TNNI3K: variants seen among roughly 807,000 people sequenced by gnomAD.
TNNI3K encodes serine/threonine-protein kinase TNNI3K.
Under a neutral mutation model 114.5 loss-of-function variants are expected in TNNI3K, and 140 were observed. The observed-to-expected ratio is 1.22, with a 90% CI of 1.07 to 1.41. TNNI3K has a LOEUF of 1.41. Among genes scored for constraint, TNNI3K ranks in the 40% most tolerant of loss-of-function variants. The pLI is 0.00. For missense variants in TNNI3K, 1,125 were observed against 1,007.6 expected, an observed-to-expected ratio of 1.12 and a Z score of -1.58; for synonymous variants, 347 against 347.5, an observed-to-expected ratio of 1.00 and a Z score of 0.02.
intron 17 of TNNI3K, among the ~76,000 whole-genome samples, chr1:74,397,110 A>T (rs1168831930): frequency 6.6e-6 from 1 of 152,096 alleles, no homozygotes; most frequent in Non-Finnish European, 1.5e-5. Flanking sequence ...CTGAAATGAC[A>T]CGGGGGAGCC....
chr1:74,425,929 A>T (rs1224664259), intron 17 of TNNI3K, among the ~76,000 whole-genome samples: 1 of 152,044 alleles, frequency 6.6e-6, no homozygotes, highest in East Asian at 1.9e-4. Flanking sequence ...GCTCACAGGG[A>T]TAGACTGTCT....
intron 23 of TNNI3K, among the ~76,000 whole-genome samples, chr1:74,539,760 G>A (rs1040639050): frequency 1.1e-4 from 17 of 151,438 alleles, no homozygotes; most frequent in Middle Eastern, 3.4e-3. Context: ...TATGTAAAGC[G>A]ATATATATAA....
rs578049565 is a variant in TNNI3K at position 74,481,625 on chromosome 1, T to C, written c.2122-7564T>C. 3.3e-5 allele frequency among the ~76,000 whole-genome samples: 5 copies of C among 152,328 alleles called. No individual in the cohort carries two copies. In the South Asian group the frequency reaches 1.0e-3, roughly 32 times the overall value. ...GGCCTCCTGTCTAATATCTGTTCCC[T>C]CCAATGAAGTCCATCATGTGATGAC... On this transcript the variant is annotated intron_variant, in intron 21 of 24. Transcript: ENST00000326637.
intron 17 of TNNI3K, among the ~76,000 whole-genome samples, chr1:74,387,762 G>A (rs1663561645): frequency 6.6e-6 from 1 of 152,252 alleles, no homozygotes; most frequent in Admixed American, 6.5e-5. Context: ...TGATTAACAA[G>A]TTATTTCTAA....
intron 17 of TNNI3K, chr1:74,375,773 A>T (rs1246957899): frequency 5.6e-6 from 2 of 355,908 alleles, no homozygotes; most frequent in Non-Finnish European, 1.1e-5. Flanking sequence ...TTTTGAGAAG[A>T]CTGATTTGAG....
At chr1:74,246,537 C>G (rs961702862) in intron 2 of TNNI3K, among the ~76,000 whole-genome samples, 1 of 152,102 alleles carries the variant, frequency 6.6e-6, no homozygotes, top group Non-Finnish European at 1.5e-5. Flanking sequence ...CTTCCCTGGT[C>G]TTTCTATTGT....
chr1:74,534,155 A>G (rs188167519), intron 23 of TNNI3K, among the ~76,000 whole-genome samples: 16 of 152,316 alleles, frequency 1.1e-4, no homozygotes, highest in African/African-American at 2.4e-4. Flanking sequence ...TTATTATATC[A>G]TAGTAGAACG....
intron 17 of TNNI3K, among the ~76,000 whole-genome samples, chr1:74,409,539 G>T (rs1664782722): frequency 6.9e-6 from 1 of 145,970 alleles, no homozygotes; most frequent in Non-Finnish European, 1.5e-5. Context: ...TGTCACCCAG[G>T]CTGGAGTGCA....
chr1:74,436,494 C>T lies in TNNI3K; in HGVS notation c.1846C>T (p.Leu616=), dbSNP rs1666134110. 1 of 1,586,010 alleles carries T rather than the reference C, an allele frequency of 6.3e-7. No homozygotes were observed. Among genetic ancestry groups the T allele is most frequent in the Admixed American group, 2.0e-5 (1 of 50,908 alleles). The change falls in exon 19 of 25, where the codon CTG becomes TTG. Residue 616 remains leucine (L), a synonymous_variant. Transcript: ENST00000326637. ...CTCAGAATCAAGATTTCTACAGTCT[C>T]TGGATGAAGACAACATGACAAAACA... ...DFGESRFLQS[L]DEDNMTKQPG...
At chr1:74,459,082 A>G (rs1455725593) in intron 20 of TNNI3K, among the ~76,000 whole-genome samples, 2 of 152,242 alleles carry the variant, frequency 1.3e-5, no homozygotes, top group African/African-American at 4.8e-5. Context: ...AAGACATGGA[A>G]TCAACTTAGG....
At chr1:74,503,576 C>A (rs546682954) in intron 23 of TNNI3K, among the ~76,000 whole-genome samples, 1 of 152,088 alleles carries the variant, frequency 6.6e-6, no homozygotes, top group East Asian at 1.9e-4. Flanking sequence ...AATCTAGGGA[C>A]AAGACCATTT....
At chr1:74,491,323 G>A (rs184474043) in intron 22 of TNNI3K, among the ~76,000 whole-genome samples, 85 of 152,260 alleles carry the variant, frequency 5.6e-4, no homozygotes, top group African/African-American at 1.5e-3. Flanking sequence ...AGGTTCAAGC[G>A]ATTCTCCTGC....
chr1:74,340,089 G>T (rs1042130889), intron 7 of TNNI3K, among the ~76,000 whole-genome samples: 6 of 152,028 alleles, frequency 3.9e-5, no homozygotes, highest in Non-Finnish European at 1.5e-5. Context: ...ACAGACCTGG[G>T]AGTAATTTTA....
chr1:74,365,582 C>G (rs1214647902), intron 11 of TNNI3K, among the ~76,000 whole-genome samples: 1 of 152,100 alleles, frequency 6.6e-6, no homozygotes, highest in Non-Finnish European at 1.5e-5. Flanking sequence ...CCACTCTCAT[C>G]CTTGCTTGTG....
intron 17 of TNNI3K, among the ~76,000 whole-genome samples, chr1:74,400,850 A>G (rs1664321621): frequency 6.6e-6 from 1 of 152,180 alleles, no homozygotes; most frequent in South Asian, 2.1e-4. Context: ...AGCTACTACC[A>G]TTCAATTGGA....
intron 11 of TNNI3K, among the ~76,000 whole-genome samples, chr1:74,361,784 T>TTGTGGCACATTGTG (rs1661982312): frequency 6.6e-6 from 1 of 151,964 alleles, no homozygotes; most frequent in South Asian, 2.1e-4. Context: ...AGCTGGCCCC[T>TTGTGGCACATTGTG]CATAGGTGCA....
intron 21 of TNNI3K, among the ~76,000 whole-genome samples, chr1:74,484,108 AC>A (rs1448254891): frequency 6.6e-6 from 1 of 151,902 alleles, no homozygotes. Flanking sequence ...GTTAAACTTT[AC>A]CTTTATTTTA....
chr1:74,485,352 A>AT (rs1285241569), intron 21 of TNNI3K, among the ~76,000 whole-genome samples: 4 of 152,176 alleles, frequency 2.6e-5, no homozygotes, highest in Admixed American at 2.0e-4. Context: ...CAGTTCATTT[A>AT]TTTTAGTCCT....
At chr1:74,486,706 G>A (rs574688223) in intron 21 of TNNI3K, among the ~76,000 whole-genome samples, 1 of 151,974 alleles carries the variant, frequency 6.6e-6, no homozygotes, top group Non-Finnish European at 1.5e-5. Context: ...AAAGGGTAAA[G>A]AGACTCAAAG....
Sources: allele counts gnomAD v4.1 joint callset (sites outside exome capture counted in the v4.1 genomes callset), GRCh38; gene constraint gnomAD v4.1.1; transcripts MANE v1.5; gene names NCBI Gene and HGNC (gene_info 2026-07-23, HGNC 2026-07-21).